The following LITAF variants were observed in gnomAD, a reference collection of about 807,000 sequenced individuals.
The protein encoded by LITAF is lipopolysaccharide induced TNF factor.
LITAF carries 9 observed loss-of-function variants against 14.5 expected under a neutral mutation model. That is an observed-to-expected ratio of 0.62 (90% CI 0.37 to 1.08). The LOEUF (loss-of-function observed/expected upper bound fraction) is 1.08, where lower values mean the gene tolerates loss of function less well. LITAF is among the 50% of genes least tolerant of loss of function. The pLI is 0.01. For missense variants in LITAF, 206 were observed against 213.4 expected (o/e 0.97, Z 0.22); for synonymous variants, 98 against 88.2 (o/e 1.11, Z -0.62).
intron 1 of LITAF, among the ~76,000 whole-genome samples, chr16:11,578,329 G>T (rs1336222396): frequency 6.6e-6 from 1 of 152,122 alleles, no homozygotes; most frequent in Non-Finnish European, 1.5e-5. Context: ...AGGCCAAGGC[G>T]GGTGGATCAC....
chr16:11,604,253 G>A (rs2064943080), intron 3 of LITAF, among the ~76,000 whole-genome samples: 1 of 152,144 alleles, frequency 6.6e-6, no homozygotes, highest in African/African-American at 2.4e-5. Context: ...TGTGGAATAT[G>A]CTTGGTGGAT....
chr16:11,638,114 C>CTATCTATATAGATAGATA (rs2065150281), upstream of LITAF, among the ~76,000 whole-genome samples: 3 of 61,356 alleles, frequency 4.9e-5, no homozygotes, highest in African/African-American at 4.4e-4. Flanking sequence ...ATATATCTAT[C>CTATCTATATAGATAGATA]TATATAGATA....
intron 1 of LITAF, among the ~76,000 whole-genome samples, chr16:11,570,043 A>G (rs2064518268): frequency 1.3e-5 from 2 of 152,030 alleles, no homozygotes. Flanking sequence ...AAAAAAAAAA[A>G]AGTTAAAATG....
chr16:11,571,780 G>A (rs959896305), intron 1 of LITAF, among the ~76,000 whole-genome samples: 5 of 152,138 alleles, frequency 3.3e-5, no homozygotes, highest in African/African-American at 1.2e-4. Context: ...CCTCTCGGCT[G>A]GCTCTTTTCC....
At chr16:11,550,030 C>T (rs2064160772) in intron 3 of LITAF, among the ~76,000 whole-genome samples, 1 of 152,168 alleles carries the variant, frequency 6.6e-6, no homozygotes, top group African/African-American at 2.4e-5. Context: ...CCTGGACCTA[C>T]TAGAAGCTGG....
At chr16:11,570,029 C>CAAAAAAAA (rs61431032) in intron 1 of LITAF, among the ~76,000 whole-genome samples, 22 of 122,820 alleles carry the variant, frequency 1.8e-4, no homozygotes, top group Non-Finnish European at 2.8e-4. Flanking sequence ...GACTTTGCCT[C>CAAAAAAAA]AAAAAAAAAA....
chr16:11,559,356 ATTTAAG>A (rs1299345992), intron 1 of LITAF, among the ~76,000 whole-genome samples: 2 of 152,144 alleles, frequency 1.3e-5, no homozygotes, highest in Non-Finnish European at 2.9e-5. Flanking sequence ...TTTTACTTGT[ATTTAAG>A]TTTAAGCAAT....
upstream of LITAF, among the ~76,000 whole-genome samples, chr16:11,599,781 G>C (rs532659229): frequency 3.3e-5 from 5 of 152,068 alleles, no homozygotes; most frequent in African/African-American, 1.2e-4. Flanking sequence ...CCTCCCAGCT[G>C]TTTCAGAACT....
intron 1 of LITAF, chr16:11,584,237 G>T (rs150302732): frequency 6.6e-6 from 1 of 152,146 alleles, no homozygotes; most frequent in Non-Finnish European, 1.5e-5. Context: ...CTGTAAAAGC[G>T]AAAACAAATA....
At chr16:11,613,337 C>T (rs1327496381) in intron 3 of LITAF, among the ~76,000 whole-genome samples, 2 of 152,168 alleles carry the variant, frequency 1.3e-5, no homozygotes, top group African/African-American at 2.4e-5. Flanking sequence ...ACGGGACACT[C>T]GCATTGACAG....
At chr16:11,583,950 G>A (rs534522758) in intron 1 of LITAF, among the ~76,000 whole-genome samples, 1 of 152,170 alleles carries the variant, frequency 6.6e-6, no homozygotes, top group East Asian at 1.9e-4. Flanking sequence ...CTGCAGCCAA[G>A]GGACAACTTC....
intron 3 of LITAF, among the ~76,000 whole-genome samples, chr16:11,617,475 C>G (rs2065026057): frequency 1.4e-5 from 2 of 145,590 alleles, no homozygotes; most frequent in Non-Finnish European, 3.0e-5. Flanking sequence ...CTCTGTTGCC[C>G]AGGCTGGAGT....
Position 11,553,672 on chromosome 16 carries a change from A to G in LITAF, c.238T>C (p.Tyr80His). The change falls in exon 3 of 4, where the codon TAC (tyrosine) becomes CAC (histidine). Residue 80 changes from tyrosine (Y) to histidine (H), a missense_variant. Coordinates refer to ENST00000622633, the MANE Select transcript of LITAF (RefSeq NM_001136472.2). This position sits in a 1 kb window ranked among gnomAD's most constrained non-coding sequence, Gnocchi z 7.7. ...NNNPITVQTV[Y>H]VQHPITFLDR... The stretch of plus-strand genomic sequence containing the variant: ...AAAAAGGTGATGGGGTGCTGCACGT[A>G]GACCGTCTGCACGGTAACTGATGAA... 1 of 1,614,196 alleles carries G rather than the reference A, an allele frequency of 6.2e-7. No individual in the cohort carries two copies. Among genetic ancestry groups the G allele is most frequent in the East Asian group, 2.2e-5 (1 of 44,888 alleles).
intron 1 of LITAF, among the ~76,000 whole-genome samples, chr16:11,583,488 C>T (rs181468541): frequency 1.2e-4 from 19 of 152,266 alleles, no homozygotes; most frequent in Non-Finnish European, 2.5e-4. Context: ...ATTGTATGAA[C>T]GCTGATGACA....
intron 3 of LITAF, among the ~76,000 whole-genome samples, chr16:11,623,832 TG>T (rs370259911): frequency 6.6e-5 from 10 of 151,550 alleles, no homozygotes; most frequent in African/African-American, 2.2e-4. Context: ...CTGGGCATGG[TG>T]GCAGGCGCCT....
intron 2 of LITAF, among the ~76,000 whole-genome samples, chr16:11,635,270 G>C (rs984806598): frequency 6.6e-6 from 1 of 152,150 alleles, no homozygotes; most frequent in African/African-American, 2.4e-5. Context: ...CAGTGATTGT[G>C]CAAACGCTTG....
chr16:11,553,321 G>T lies in LITAF; in HGVS notation c.377+212C>A. On this transcript the variant is annotated intron_variant, in intron 3 of 3. Coordinates refer to ENST00000622633, the MANE Select transcript of LITAF (RefSeq NM_001136472.2). The surrounding 1 kb of genome is among the most constrained non-coding windows in gnomAD (Gnocchi z 7.7). ...AGCTACACGGGACGCTAAGGCAGGA[G>T]AATCGTTTGAACCTGAGCAGTGGGG... is the stretch of plus-strand genomic sequence containing the variant. The T allele has an allele frequency of 1.8e-6, 1 of 563,076 alleles. No individual in the cohort carries two copies. The highest frequency in any genetic ancestry group is 3.2e-6 in the Non-Finnish European group (1 of 312,108). The allele number at this position is 563,076 out of a possible 1,614,324, so 34.9% of individuals were successfully genotyped here.
upstream of LITAF, chr16:11,587,347 G>A (rs1057246659): frequency 6.5e-5 from 29 of 449,138 alleles, no homozygotes; most frequent in Non-Finnish European, 1.2e-4. Flanking sequence ...CCTCGACCCC[G>A]GACCCGCGCT....
intron 1 of LITAF, among the ~76,000 whole-genome samples, chr16:11,597,736 T>C (rs1439681600): frequency 6.6e-6 from 1 of 152,090 alleles, no homozygotes; most frequent in Non-Finnish European, 1.5e-5. Context: ...AAACAAGCAG[T>C]TCTGTGTGAG....
Sources: gnomAD v4.1 joint callset for allele counts (sites outside exome capture counted in the v4.1 genomes callset) on GRCh38, gnomAD v4.1.1 for gene constraint, Gnocchi (gnomAD v3.1) non-coding constraint, MANE v1.5 for transcripts, NCBI Gene and HGNC (gene_info 2026-07-23, HGNC 2026-07-21) for gene names.